The following ACSM3 variants were observed in gnomAD, a reference collection of about 807,000 sequenced individuals.
ACSM3 encodes the protein acyl-CoA synthetase medium chain family member 3.
In ACSM3, 61 loss-of-function variants were observed where a neutral mutation model predicts 74.1. The ratio of observed to expected loss-of-function variants is 0.82; its 90% confidence interval spans 0.67 to 1.02. The LOEUF is 1.02. ACSM3 is among the 50% of genes least tolerant of loss of function. The pLI, the probability that ACSM3 is intolerant of heterozygous loss-of-function variation, is 0.00. For missense variants in ACSM3, 660 were observed against 697.0 expected, an observed-to-expected ratio of 0.95 and a Z score of 0.60; for synonymous variants, 213 against 241.5, an observed-to-expected ratio of 0.88 and a Z score of 1.09.
Position 20,775,823 on chromosome 16 carries a change from G to GT in ACSM3, c.220-11dup, listed in dbSNP as rs2080248475. On this transcript the variant is annotated splice_polypyrimidine_tract_variant and intron_variant, in intron 2 of 13. Coordinates refer to ENST00000289416, the MANE Select transcript of ACSM3 (RefSeq NM_005622.4). ...ATAACAACCTTTAAATCAATGACTG[G>GT]TTTTTCTTTCCTCAGGCTGGAAAGA... 1.2e-6 allele frequency: 2 copies of GT among 1,613,380 alleles called. No individual in the cohort carries two copies. Among genetic ancestry groups the GT allele is most frequent in the Non-Finnish European group, 1.7e-6 (2 of 1,179,398 alleles).
chr16:20,741,727 C>G (rs981723239), intron 1 of ACSM3: 2 of 1,571,972 alleles, frequency 1.3e-6, no homozygotes, highest in Non-Finnish European at 1.7e-6. Flanking sequence ...GTCTGCTGGG[C>G]AGGGGCCGCC....
chr16:20,697,048 T>A (rs2079693537), intron 1 of ACSM3, among the ~76,000 whole-genome samples: 1 of 152,136 alleles, frequency 6.6e-6, no homozygotes, highest in Non-Finnish European at 1.5e-5. Flanking sequence ...ACCTTTTAAC[T>A]CCCAGCAAAT....
chr16:20,702,235 C>A (rs1388660172), intron 1 of ACSM3, among the ~76,000 whole-genome samples: 1 of 152,184 alleles, frequency 6.6e-6, no homozygotes, highest in Admixed American at 6.5e-5. Context: ...TTTTATAAGA[C>A]AGAGTCTTGC....
rs189594158 is a variant in ACSM3 at position 20,739,802 on chromosome 16, C to T, written c.-189-10108C>T. Among the ~76,000 whole-genome samples, 8 of 145,932 alleles carry T rather than the reference C, an allele frequency of 5.5e-5. 1 individual carries two copies. In the Admixed American group the frequency reaches 5.5e-4, roughly 10 times the overall value. On this transcript the variant is annotated intron_variant, in intron 1 of 3. Transcript: ENST00000561584. ...CACCACTGCACTCCAGCCTGGGTGA[C>T]AGAGCAAGACTCTGTCTCAAAAAAA...
chr16:20,779,001 T>G (rs1302157242), intron 4 of ACSM3, among the ~76,000 whole-genome samples: 1 of 152,170 alleles, frequency 6.6e-6, no homozygotes, highest in East Asian at 1.9e-4. Flanking sequence ...TCTGCCCGTC[T>G]CAGCCTCCCA....
chr16:20,731,500 T>C (rs143693640), intron 1 of ACSM3: 22 of 216,840 alleles, frequency 1.0e-4, no homozygotes, highest in African/African-American at 3.9e-4. Flanking sequence ...AGAAGCAATC[T>C]CTGGCATTTG....
At chr16:20,702,280 G>A (rs1008998030) in intron 1 of ACSM3, among the ~76,000 whole-genome samples, 2 of 152,160 alleles carry the variant, frequency 1.3e-5, no homozygotes, top group Middle Eastern at 3.4e-3. Flanking sequence ...TGGTGCAATC[G>A]TGACTCACTG....
At chr16:20,742,685 G>C (rs531679469) in intron 1 of ACSM3, among the ~76,000 whole-genome samples, 1 of 150,506 alleles carries the variant, frequency 6.6e-6, no homozygotes, top group African/African-American at 2.4e-5. Context: ...CCACACGGAA[G>C]CTTCTTGAGA....
chr16:20,737,216 T>A (rs1265019835), intron 1 of ACSM3: 1 of 1,614,138 alleles, frequency 6.2e-7, no homozygotes, highest in African/African-American at 1.3e-5. Context: ...CTTTGATGAT[T>A]TCTACTACCA....
chr16:20,782,038 G>T (rs989472175), intron 7 of ACSM3, among the ~76,000 whole-genome samples: 1 of 152,150 alleles, frequency 6.6e-6, no homozygotes, highest in African/African-American at 2.4e-5. Context: ...GTGGTTATGG[G>T]TAAGAAGATG....
intron 1 of ACSM3, chr16:20,680,946 T>C (rs577436798): frequency 6.9e-4 from 105 of 152,338 alleles, no homozygotes; most frequent in African/African-American, 2.5e-3. Flanking sequence ...GGAACTCTTA[T>C]GGTATCCAGT....
chr16:20,783,700 C>T (rs921406922), intron 7 of ACSM3: 5 of 152,154 alleles, frequency 3.3e-5, no homozygotes, highest in African/African-American at 1.2e-4. Flanking sequence ...TTGCTTCAAA[C>T]CTTGTCCCCA....
chr16:20,717,986 A>G (rs1041577720), intron 1 of ACSM3, among the ~76,000 whole-genome samples: 23 of 138,340 alleles, frequency 1.7e-4, no homozygotes, highest in South Asian at 6.9e-4. Flanking sequence ...AAGAAGAAGA[A>G]GAAGAAGAAG....
Position 20,784,997 on chromosome 16 carries a change from AG to A in ACSM3, c.1034del (p.Ser345ThrfsTer2). 1 of 1,612,034 alleles carries A rather than the reference AG, an allele frequency of 6.2e-7. No homozygotes were observed. The highest frequency in any genetic ancestry group is 8.5e-7 in the Non-Finnish European group (1 of 1,179,304). On this transcript the variant is annotated frameshift_variant, in exon 8 of 14. Transcript: ENST00000289416. LOFTEE classifies it high-confidence loss of function. The part of the protein sequence containing the change: ...QNDITSYKFK[S>X]LKHCVSAGEP... ...TTTTCTGAGAAGCTATAAGTTTAAA[AG>A]CTTAAAGCACTGTGTGAGTGCTGGG...
intron 12 of ACSM3, chr16:20,796,146 T>C: frequency 4.9e-6 from 3 of 612,022 alleles, no homozygotes; most frequent in Non-Finnish European, 7.8e-6. Flanking sequence ...TGCTGAGGGC[T>C]AGGCTGGATG....
At chr16:20,696,757 A>C (rs1447306313) in intron 1 of ACSM3, among the ~76,000 whole-genome samples, 2 of 152,238 alleles carry the variant, frequency 1.3e-5, no homozygotes, top group Non-Finnish European at 2.9e-5. Flanking sequence ...TGCCTTGAAC[A>C]GCTCCTGCAA....
chr16:20,728,352 A>C (rs1362960554), intron 1 of ACSM3: 1 of 1,204,950 alleles, frequency 8.3e-7, no homozygotes. Context: ...TGTGAAAAGA[A>C]AATTTTAAGA....
intron 1 of ACSM3, among the ~76,000 whole-genome samples, chr16:20,715,037 T>C (rs1176418570): frequency 6.6e-6 from 1 of 152,064 alleles, no homozygotes; most frequent in Non-Finnish European, 1.5e-5. Context: ...AGATGAAAGG[T>C]AAGTAGGTAA....
At chr16:20,756,829 A>T (rs2152438778) in intron 3 of ACSM3, among the ~76,000 whole-genome samples, 1 of 152,260 alleles carries the variant, frequency 6.6e-6, no homozygotes, top group Admixed American at 6.5e-5. Context: ...TAAGGAAGGG[A>T]TCCAGTTTCA....
Sources: gnomAD v4.1 joint callset for allele counts (sites outside exome capture counted in the v4.1 genomes callset) on GRCh38, gnomAD v4.1.1 for gene constraint, MANE v1.5 for transcripts, NCBI Gene and HGNC (gene_info 2026-07-23, HGNC 2026-07-21) for gene names.